Variants in RGR observed in about 807,000 individuals in gnomAD.
RGR encodes the protein retinal G protein coupled receptor.
In RGR, 30 loss-of-function variants were observed where a neutral mutation model predicts 28.6. The ratio of observed to expected loss-of-function variants is 1.05; its 90% CI spans 0.78 to 1.42. The LOEUF is 1.42. Among genes scored for constraint, RGR ranks in the 40% most tolerant of loss-of-function variants. The pLI, the probability that RGR is intolerant of heterozygous loss-of-function variation, is 0.00. For synonymous variants in RGR, 180 were observed against 156.4 expected, an observed-to-expected ratio of 1.15 and a Z score of -1.13; for missense variants, 404 against 375.6, an observed-to-expected ratio of 1.08 and a Z score of -0.62.
At chr10:84,258,451 C>T (rs1842914769) in intron 6 of RGR, 57 bp from the exon 7 acceptor site, 1 of 1,613,506 alleles carries the variant, frequency 6.2e-7, no homozygotes, top group Admixed American at 1.7e-5. Context: ...CCAGGTGAGA[C>T]CAGAGAGAGG....
chr10:84,258,586 G>T lies in RGR; in HGVS notation c.823G>T (p.Gly275Ter), dbSNP rs753194065. 6 of 1,614,192 alleles carry T rather than the reference G, an allele frequency of 3.7e-6. No homozygotes were observed. In the Middle Eastern group the frequency reaches 4.9e-4, roughly 133 times the overall value. The change falls in exon 7 of 7, where the codon GGA becomes TGA. Residue 275 changes from glycine to a stop codon, truncating the protein, a stop_gained. Transcript: ENST00000652092. LOFTEE classifies it low-confidence loss of function (END_TRUNC). ...CCTGGGCAATGAGATGGTCTGCAGG[G>T]GAATCTGGCAGTGCCTCTCACCGCA... is the stretch of plus-strand genomic sequence containing the variant. ...YALGNEMVCR[G>*]IWQCLSPQKR...
At chr10:84,249,397 C>T (rs1180403235) in intron 3 of RGR, among the ~76,000 whole-genome samples, 1 of 152,198 alleles carries the variant, frequency 6.6e-6, no homozygotes, top group African/African-American at 2.4e-5. Flanking sequence ...ACTGCAACCT[C>T]GGCCTTCTGG....
chr10:84,253,145 C>T, intron 4 of RGR, 135 bp downstream of exon 4: 1 of 1,017,214 alleles, frequency 9.8e-7, no homozygotes, highest in South Asian at 1.6e-5. Context: ...ACTTCTTAAT[C>T]ATGATACCCA....
chr10:84,250,317 T>C, intron 3 of RGR: 1 of 716,206 alleles, frequency 1.4e-6, no homozygotes, highest in Non-Finnish European at 2.6e-6. Context: ...CATAGTCACA[T>C]GTATAGCCCC....
intron 5 of RGR, among the ~76,000 whole-genome samples, chr10:84,257,595 C>A (rs1477623615): frequency 6.6e-6 from 1 of 152,196 alleles, no homozygotes; most frequent in African/African-American, 2.4e-5. Context: ...AGTACAGACC[C>A]AGGAGGAAGC....
chr10:84,247,351 T>C (rs984562781), intron 1 of RGR, among the ~76,000 whole-genome samples: 2 of 152,174 alleles, frequency 1.3e-5, no homozygotes, highest in Admixed American at 1.3e-4. Context: ...GAAGAGAGTA[T>C]CCAAGTAAAG....
intron 4 of RGR, 152 bp downstream of exon 4, chr10:84,253,162 G>C: frequency 1.1e-6 from 1 of 883,704 alleles, no homozygotes; most frequent in Non-Finnish European, 1.7e-6. Flanking sequence ...CCCACCTGCA[G>C]GTGGACAGTG....
intron 5 of RGR, among the ~76,000 whole-genome samples, chr10:84,256,571 C>A (rs1842890573): frequency 6.6e-6 from 1 of 152,128 alleles, no homozygotes; most frequent in South Asian, 2.1e-4. Context: ...AAGGACTGTG[C>A]AAATCTATTT....
chr10:84,249,297 TCTC>T (rs1416247137), intron 3 of RGR, among the ~76,000 whole-genome samples: 2 of 152,150 alleles, frequency 1.3e-5, no homozygotes, highest in Non-Finnish European at 2.9e-5. Context: ...TGAACCTTAG[TCTC>T]CTCCTCTGCG....
At chr10:84,249,601 G>A (rs544523759) in intron 3 of RGR, among the ~76,000 whole-genome samples, 1 of 152,176 alleles carries the variant, frequency 6.6e-6, no homozygotes, top group Non-Finnish European at 1.5e-5. Context: ...GTGAGCCACC[G>A]TACCCGGCTG....
In RGR at chr10:84,254,469, T is replaced by C. The variant is rs373404699; in HGVS notation, c.630+26T>C. On this transcript the variant is annotated intron_variant, in intron 5 of 6. Coordinates refer to ENST00000652092, the MANE Select transcript of RGR (RefSeq NM_001012720.2). ...GTAAGGACCCCCTTCCGGAGTGTTA[T>C]CTGATGGTGCAGCGCAGCTCCAGGC... 2.0e-4 allele frequency: 321 copies of C among 1,580,536 alleles called. 1 individual carries two copies. Among genetic ancestry groups the C allele is most frequent in the Non-Finnish European group, 2.6e-4 (301 of 1,149,488 alleles).
At chr10:84,248,428 C>CG (rs1842774455) in intron 2 of RGR, 1 of 231,648 alleles carries the variant, frequency 4.3e-6, no homozygotes, top group Non-Finnish European at 8.6e-6. Flanking sequence ...GGAGCCCCCC[C>CG]GGATGTGCAT....
chr10:84,254,240 T>C, intron 4 of RGR, 86 bp from the exon 5 acceptor site: 6 of 1,139,762 alleles, frequency 5.3e-6, no homozygotes, highest in Non-Finnish European at 6.7e-6. Context: ...CCACAACCGA[T>C]CATCTAGGGC....
chr10:84,248,782 A>G (rs1490228715), intron 2 of RGR, 140 bp from the exon 3 acceptor site: 1 of 1,511,626 alleles, frequency 6.6e-7, no homozygotes, highest in African/African-American at 1.4e-5. Context: ...CCAACGCCTC[A>G]TAGGAAAGAC....
intron 3 of RGR, among the ~76,000 whole-genome samples, chr10:84,249,784 G>A (rs908377692): frequency 6.6e-6 from 1 of 152,190 alleles, no homozygotes; most frequent in African/African-American, 2.4e-5. Flanking sequence ...GAGGCTTCAT[G>A]AAAACTGTCC....
At chr10:84,246,575 C>G (rs1050082954) in intron 1 of RGR, among the ~76,000 whole-genome samples, 1 of 152,210 alleles carries the variant, frequency 6.6e-6, no homozygotes, top group African/African-American at 2.4e-5. Flanking sequence ...TTCCTTTTTA[C>G]AGCTATTATT....
At chr10:84,250,460 C>T (rs774970154) in intron 3 of RGR, 13 of 716,616 alleles carry the variant, frequency 1.8e-5, no homozygotes, top group Admixed American at 4.0e-5. Context: ...CCTCAGAGCA[C>T]TTCTCCCACT....
At chr10:84,255,852 G>A (rs1842878238) in intron 5 of RGR, among the ~76,000 whole-genome samples, 1 of 149,718 alleles carries the variant, frequency 6.7e-6, no homozygotes, top group Non-Finnish European at 1.5e-5. Flanking sequence ...AGCTTCCCGA[G>A]TACCTGGGAT....
chr10:84,249,934 C>G (rs553451434), intron 3 of RGR, among the ~76,000 whole-genome samples: 84 of 152,272 alleles, frequency 5.5e-4, no homozygotes, highest in African/African-American at 1.9e-3. Flanking sequence ...CTGCTACAAG[C>G]TCATTCTAAA....
Sources: allele counts gnomAD v4.1 joint callset (sites outside exome capture counted in the v4.1 genomes callset), GRCh38; gene constraint gnomAD v4.1.1; transcripts MANE v1.5; gene names NCBI Gene and HGNC (gene_info 2026-07-23, HGNC 2026-07-21).